Variants in STXBP5L observed in about 807,000 individuals in gnomAD.
STXBP5L encodes syntaxin binding protein 5L.
A neutral mutation model predicts 144.5 loss-of-function variants in STXBP5L; 65 were observed. The observed-to-expected ratio is 0.45, with a 90% CI of 0.37 to 0.55. The LOEUF is 0.55. STXBP5L is among the 20% of genes least tolerant of loss of function. The pLI is 0.00. For missense variants in STXBP5L, 1,298 were observed against 1,405.5 expected, an observed-to-expected ratio of 0.92 and a Z score of 1.22; for synonymous variants, 505 against 469.6, an observed-to-expected ratio of 1.08 and a Z score of -0.97.
intron 9 of STXBP5L, among the ~76,000 whole-genome samples, chr3:121,185,191 A>G (rs992049026): frequency 2.6e-5 from 4 of 152,192 alleles, no homozygotes. Flanking sequence ...ACAATTGTAG[A>G]TATTAGCCCT....
chr3:121,228,883 G>T (rs1004283135), intron 11 of STXBP5L, among the ~76,000 whole-genome samples: 1 of 151,946 alleles, frequency 6.6e-6, no homozygotes, highest in South Asian at 2.1e-4. Context: ...TCTCAGAAAA[G>T]AAAAGAAGAA....
At chr3:121,221,943 C>T (rs2048986022) in intron 10 of STXBP5L, among the ~76,000 whole-genome samples, 3 of 151,528 alleles carry the variant, frequency 2.0e-5, no homozygotes, top group African/African-American at 7.3e-5. Flanking sequence ...TAATGTTTGG[C>T]GCCACACACA....
At chr3:121,379,532 A>T (rs1038197654) in intron 21 of STXBP5L, among the ~76,000 whole-genome samples, 1 of 152,300 alleles carries the variant, frequency 6.6e-6, no homozygotes, top group African/African-American at 2.4e-5. Flanking sequence ...AAGATTTGCT[A>T]TAGTAATTCT....
At chr3:121,393,646 AT>A (rs1372455634) in intron 22 of STXBP5L, among the ~76,000 whole-genome samples, 1 of 152,150 alleles carries the variant, frequency 6.6e-6, no homozygotes, top group African/African-American at 2.4e-5. Flanking sequence ...ATTCTCCTGC[AT>A]ATGGTTATAC....
intron 3 of STXBP5L, among the ~76,000 whole-genome samples, chr3:120,977,844 C>G (rs1000322750): frequency 6.6e-6 from 1 of 152,164 alleles, no homozygotes; most frequent in African/African-American, 2.4e-5. Context: ...GTTGAAAATT[C>G]TTTTCTTTAA....
chr3:121,328,244 A>G (rs2044212384), intron 20 of STXBP5L, among the ~76,000 whole-genome samples: 1 of 152,228 alleles, frequency 6.6e-6, no homozygotes, highest in African/African-American at 2.4e-5. Context: ...AATAGCTAAC[A>G]TTGAATGCTT....
intron 9 of STXBP5L, among the ~76,000 whole-genome samples, chr3:121,203,777 G>T (rs1000591642): frequency 6.6e-6 from 1 of 152,178 alleles, no homozygotes; most frequent in African/African-American, 2.4e-5. Context: ...CAAATATACT[G>T]TTTTGTTCAA....
chr3:121,336,288 A>G (rs1021347601), intron 20 of STXBP5L, among the ~76,000 whole-genome samples: 4 of 152,078 alleles, frequency 2.6e-5, no homozygotes, highest in Non-Finnish European at 4.4e-5. Flanking sequence ...CTTGAGCCCA[A>G]TAGTTTGAGA....
At chr3:121,238,139 T>C (rs979198870) in intron 12 of STXBP5L, among the ~76,000 whole-genome samples, 1 of 152,234 alleles carries the variant, frequency 6.6e-6, no homozygotes, top group Non-Finnish European at 1.5e-5. Flanking sequence ...TCTGTCTTAG[T>C]CTGTTTTGTG....
intron 7 of STXBP5L, among the ~76,000 whole-genome samples, chr3:121,133,903 C>G (rs942555921): frequency 6.6e-6 from 1 of 152,028 alleles, no homozygotes; most frequent in African/African-American, 2.4e-5. Context: ...CATGAGAACT[C>G]CCTCATTATC....
chr3:121,174,679 A>C (rs1043753327), intron 9 of STXBP5L, among the ~76,000 whole-genome samples: 3 of 152,146 alleles, frequency 2.0e-5, no homozygotes, highest in Non-Finnish European at 4.4e-5. Context: ...TGAAGGTATA[A>C]AGCCCCCTGG....
chr3:121,180,547 G>A (rs1396337366), intron 9 of STXBP5L, among the ~76,000 whole-genome samples: 1 of 152,122 alleles, frequency 6.6e-6, no homozygotes, highest in Non-Finnish European at 1.5e-5. Context: ...AACAAACAAT[G>A]TATTTAGGCA....
intron 8 of STXBP5L, among the ~76,000 whole-genome samples, chr3:121,153,768 T>C (rs1010971266): frequency 6.6e-6 from 1 of 151,954 alleles, no homozygotes; most frequent in African/African-American, 2.4e-5. Flanking sequence ...TTTTTCACAA[T>C]TGGTGAAAAA....
At position 121,407,600 on chromosome 3, in the gene STXBP5L, T is replaced by C; in HGVS notation, c.2945T>C (p.Met982Thr). 2.5e-6 allele frequency: 4 copies of C among 1,613,018 alleles called. No individual in the cohort carries two copies. Among genetic ancestry groups the C allele is most frequent in the Middle Eastern group, 1.7e-4 (1 of 6,054 alleles). The change falls in exon 23 of 27, where the codon ATG (methionine) becomes ACG (threonine). Residue 982 changes from methionine (M) to threonine (T), a missense_variant. Coordinates refer to ENST00000471454, the MANE Select transcript of STXBP5L (RefSeq NM_001308330.2). ...CFCANGHIMIMSLPSLRPMLD... is the reference protein window; with the variant it reads ...CFCANGHIMITSLPSLRPMLD... The stretch of plus-strand genomic sequence containing the variant: ...TGTGCTAACGGACATATCATGATAA[T>C]GAGGTACTTGCCTTCTTATAAATTA...
intron 3 of STXBP5L, among the ~76,000 whole-genome samples, chr3:120,991,901 T>G (rs575998200): frequency 7.9e-5 from 12 of 152,278 alleles, no homozygotes; most frequent in Non-Finnish European, 7.4e-5. Context: ...ACATGGCACA[T>G]GTATACATAT....
At chr3:121,009,638 C>T (rs987137617) in intron 3 of STXBP5L, among the ~76,000 whole-genome samples, 5 of 151,862 alleles carry the variant, frequency 3.3e-5, no homozygotes, top group African/African-American at 9.7e-5. Context: ...TAGCTATGAG[C>T]AGAGGAAGCA....
intron 9 of STXBP5L, among the ~76,000 whole-genome samples, chr3:121,175,668 TAAAG>T (rs1443292323): frequency 6.6e-6 from 1 of 151,712 alleles, no homozygotes; most frequent in East Asian, 1.9e-4. Context: ...AAAAAAGAAA[TAAAG>T]AACAAATAGA....
At chr3:121,005,227 G>T (rs188607303) in intron 3 of STXBP5L, among the ~76,000 whole-genome samples, 1 of 152,242 alleles carries the variant, frequency 6.6e-6, no homozygotes, top group Non-Finnish European at 1.5e-5. Flanking sequence ...CTCAATTTCA[G>T]AGCCTGTTTT....
chr3:121,412,756 A>G (rs1258619071), intron 23 of STXBP5L, among the ~76,000 whole-genome samples: 2 of 146,348 alleles, frequency 1.4e-5, no homozygotes, highest in Non-Finnish European at 3.0e-5. Flanking sequence ...AAAACAAAAG[A>G]AAAAGAAAAA....
Sources: gnomAD v4.1 joint callset for allele counts (sites outside exome capture counted in the v4.1 genomes callset) on GRCh38, gnomAD v4.1.1 for gene constraint, MANE v1.5 for transcripts, NCBI Gene and HGNC (gene_info 2026-07-23, HGNC 2026-07-21) for gene names.